The following BRD10 variants were observed in gnomAD, a reference collection of about 807,000 sequenced individuals.
The protein encoded by BRD10 is uncharacterized bromodomain-containing protein 10.
the BRD10 span, among the ~76,000 whole-genome samples, chr9:5,905,813 T>C: frequency 6.6e-6 from 1 of 152,206 alleles, no homozygotes. Flanking sequence ...AACCAAATCA[T>C]AACCCAACCA....
the BRD10 span, among the ~76,000 whole-genome samples, chr9:5,970,750 C>T: frequency 6.6e-6 from 1 of 151,730 alleles, no homozygotes; most frequent in Non-Finnish European, 1.5e-5. Flanking sequence ...GGACAAATAG[C>T]CCAGTTAAAA....
At chr9:5,986,720 T>C in the BRD10 span, among the ~76,000 whole-genome samples, 1 of 152,260 alleles carries the variant, frequency 6.6e-6, no homozygotes, top group Admixed American at 6.5e-5. Context: ...CATTAAATTA[T>C]CATAGTTACT....
At chr9:5,937,738 T>C in the BRD10 span, among the ~76,000 whole-genome samples, 1 of 152,158 alleles carries the variant, frequency 6.6e-6, no homozygotes, top group African/African-American at 2.4e-5. Flanking sequence ...CATGCAACTT[T>C]CCCTGATGGG....
At chr9:5,897,702 T>G in the BRD10 span, 2 of 1,425,992 alleles carry the variant, frequency 1.4e-6, no homozygotes, top group East Asian at 2.3e-5. Flanking sequence ...AGGGCCCTCT[T>G]TCCAGTTCTT....
At chr9:5,887,392 C>T in the BRD10 span, among the ~76,000 whole-genome samples, 1 of 152,178 alleles carries the variant, frequency 6.6e-6, no homozygotes, top group African/African-American at 2.4e-5. Context: ...CCTGTTGTCT[C>T]CACCCTGGAA....
the BRD10 span, among the ~76,000 whole-genome samples, chr9:5,911,032 G>A: frequency 6.6e-6 from 1 of 152,198 alleles, no homozygotes; most frequent in Non-Finnish European, 1.5e-5. Flanking sequence ...CTGTGCAGAA[G>A]CTTCTTAACT....
the BRD10 span, among the ~76,000 whole-genome samples, chr9:5,880,853 C>A: frequency 1.3e-5 from 2 of 151,934 alleles, no homozygotes; most frequent in Admixed American, 1.3e-4. Flanking sequence ...TACAGGCGTG[C>A]GCCACCACGC....
the BRD10 span, among the ~76,000 whole-genome samples, chr9:5,896,806 G>A: frequency 1.3e-5 from 2 of 152,174 alleles, no homozygotes; most frequent in African/African-American, 4.8e-5. Context: ...AGAGGCTGGT[G>A]TAGACCCCCA....
the BRD10 span, among the ~76,000 whole-genome samples, chr9:5,924,288 C>CTT: frequency 2.1e-5 from 3 of 143,048 alleles, no homozygotes; most frequent in Admixed American, 7.0e-5. Flanking sequence ...CTCCAAGAAA[C>CTT]TTTTTTTTTT....
At chr9:6,007,746 C>G in the BRD10 span, 27 of 1,593,792 alleles carry the variant, frequency 1.7e-5, 1 homozygote, top group Middle Eastern at 1.7e-4. Context: ...GCTCTTCCTC[C>G]CCAGCCGGCT....
At chr9:6,007,387 C>T in the BRD10 span, 1 of 1,611,426 alleles carries the variant, frequency 6.2e-7, no homozygotes, top group Non-Finnish European at 8.5e-7. Context: ...CATGCCCTGT[C>T]CGGGCTGCTG....
At chr9:5,994,076 C>G in the BRD10 span, among the ~76,000 whole-genome samples, 1 of 152,142 alleles carries the variant, frequency 6.6e-6, no homozygotes, top group African/African-American at 2.4e-5. Flanking sequence ...TTAAAACAAG[C>G]CTTTCAAATA....
At chr9:5,976,752 A>G in the BRD10 span, among the ~76,000 whole-genome samples, 1 of 152,200 alleles carries the variant, frequency 6.6e-6, no homozygotes, top group African/African-American at 2.4e-5. Flanking sequence ...TGAAGAGTCA[A>G]CACTAAGTAG....
chr9:5,879,657 C>T, the BRD10 span, among the ~76,000 whole-genome samples: 1 of 152,130 alleles, frequency 6.6e-6, no homozygotes, highest in Non-Finnish European at 1.5e-5. Flanking sequence ...AATTAACTGA[C>T]AAGCAGACAC....
At chr9:5,928,136 A>G in the BRD10 span, among the ~76,000 whole-genome samples, 6 of 152,140 alleles carry the variant, frequency 3.9e-5, no homozygotes, top group African/African-American at 1.4e-4. Context: ...AATAGTGGGT[A>G]TCATCTTTTT....
chr9:5,912,150 GA>G, the BRD10 span, among the ~76,000 whole-genome samples: 1 of 152,210 alleles, frequency 6.6e-6, no homozygotes, highest in East Asian at 1.9e-4. Flanking sequence ...TTGTAAATGG[GA>G]TTACTTTCTT....
At chr9:5,986,223 G>A in the BRD10 span, among the ~76,000 whole-genome samples, 1 of 152,178 alleles carries the variant, frequency 6.6e-6, no homozygotes, top group Non-Finnish European at 1.5e-5. Context: ...AACATGTGGT[G>A]TTTAGTTTTC....
the BRD10 span, among the ~76,000 whole-genome samples, chr9:5,903,808 A>G: frequency 6.6e-6 from 1 of 151,416 alleles, no homozygotes; most frequent in Non-Finnish European, 1.5e-5. Flanking sequence ...TAATATAGGA[A>G]CTCCTACTTT....
the BRD10 span, among the ~76,000 whole-genome samples, chr9:5,960,573 AAAAAG>A: frequency 5.3e-5 from 8 of 152,062 alleles, no homozygotes; most frequent in African/African-American, 1.9e-4. Context: ...AAAAAAAAAA[AAAAAG>A]AAAAGAAAAG....
Sources: allele counts gnomAD v4.1 joint callset (sites outside exome capture counted in the v4.1 genomes callset), GRCh38; gene constraint gnomAD v4.1.1; transcripts MANE v1.5; gene names NCBI Gene and HGNC (gene_info 2026-07-23, HGNC 2026-07-21).